MMP17: variants seen among roughly 807,000 people sequenced by gnomAD.
The protein encoded by MMP17 is matrix metalloproteinase-17.
MMP17 carries 54 observed loss-of-function variants against 49.1 expected under a neutral mutation model. The ratio of observed to expected loss-of-function variants is 1.10; its 90% CI spans 0.88 to 1.38. MMP17 has a LOEUF of 1.38. MMP17 is among the 40% of genes most tolerant of loss of function. The pLI, the probability that MMP17 is intolerant of heterozygous loss-of-function variation, is 0.00. For synonymous variants in MMP17, 397 were observed against 383.1 expected (o/e 1.04, Z -0.42); for missense variants, 837 against 853.7 (o/e 0.98, Z 0.24).
At chr12:131,834,909 G>A (rs1887002753) in intron 1 of MMP17, among the ~76,000 whole-genome samples, 1 of 152,122 alleles carries the variant, frequency 6.6e-6, no homozygotes, top group Non-Finnish European at 1.5e-5. Context: ...CCACAGCCGC[G>A]CCTCCACCCA....
At position 131,840,807 on chromosome 12, in the gene MMP17, C is replaced by T. The variant is rs201315531; in HGVS notation, c.657C>T (p.Ala219=). The T allele has an allele frequency of 1.4e-4, 230 of 1,606,996 alleles. 1 individual carries two copies. In the East Asian group the frequency reaches 4.8e-3, roughly 33 times the overall value. The stretch of plus-strand genomic sequence containing the variant: ...TCTTCCCCGGCCACCACCACACCGC[C>T]GGGGACACCCACTTTGACGATGACG... ...HAFFPGHHHT[A]GDTHFDDDEA... Residue 219 remains alanine, a synonymous_variant, in exon 4 of 10, where the codon GCC becomes GCT. Coordinates refer to ENST00000360564, the MANE Select transcript of MMP17 (RefSeq NM_016155.7).
intron 1 of MMP17, among the ~76,000 whole-genome samples, chr12:131,834,023 G>C (rs371522432): frequency 6.6e-6 from 1 of 152,246 alleles, no homozygotes; most frequent in South Asian, 2.1e-4. Flanking sequence ...ATGGCTGAAC[G>C]GTGAATCCAG....
intron 3 of MMP17, chr12:131,840,315 CG>C (rs1376170934): frequency 1.3e-5 from 6 of 470,210 alleles, no homozygotes; most frequent in Admixed American, 1.1e-4. Flanking sequence ...TGGCTCCACG[CG>C]GGAGCTGACG....
chr12:131,838,681 C>G lies in MMP17; in HGVS notation c.362C>G (p.Ala121Gly), dbSNP rs755928284. The G allele has an allele frequency of 6.2e-7, 1 of 1,609,234 alleles. No homozygotes were observed. The highest frequency in any genetic ancestry group is 8.5e-7 in the Non-Finnish European group (1 of 1,178,818). Residue 121 changes from alanine (A) to glycine (G), a missense_variant, in exon 3 of 10, where the codon GCT (alanine) becomes GGT (glycine). Physicochemically the swap from Ala to Gly is moderately conservative, Grantham distance 60. Transcript: ENST00000360564. ...SLPDLPVLTQ[A>G]RRRRQAPAPT... ...CCAGACCTCCCTGTCCTGACCCAGG[C>G]TCGCAGGAGACGCCAGGCTCCAGCC...
Position 131,838,665 on chromosome 12 carries a change from C to T in MMP17, c.346C>T (p.Pro116Ser), listed in dbSNP as rs267603382. ...KTPRCSLPDL[P>S]VLTQARRRRQ... ...CCCACGCTGCTCCCTGCCAGACCTC[C>T]CTGTCCTGACCCAGGCTCGCAGGAG... The change falls in exon 3 of 10, where the codon CCT (proline) becomes TCT (serine). Residue 116 changes from proline to serine, a missense_variant. Coordinates refer to ENST00000360564, the MANE Select transcript of MMP17 (RefSeq NM_016155.7). 6 of 1,611,084 alleles carry T rather than the reference C, an allele frequency of 3.7e-6. No homozygotes were observed. Among genetic ancestry groups the T allele is most frequent in the Non-Finnish European group, 5.1e-6 (6 of 1,179,662 alleles).
intron 4 of MMP17, 78 bp downstream of exon 4, chr12:131,840,934 C>T (rs988263823): frequency 5.5e-6 from 8 of 1,445,208 alleles, no homozygotes; most frequent in South Asian, 2.8e-5. Context: ...ATGGCCCCCC[C>T]ATCCCCAACC....
Position 131,838,597 on chromosome 12 carries a change from A to G in MMP17, c.293-15A>G, listed in dbSNP as rs749351624. The G allele has an allele frequency of 5.0e-6, 8 of 1,606,620 alleles. No individual in the cohort carries two copies. In the South Asian group the frequency reaches 8.8e-5, roughly 18 times the overall value. On this transcript the variant is annotated splice_polypyrimidine_tract_variant and intron_variant, in intron 2 of 9. Coordinates refer to ENST00000360564, the MANE Select transcript of MMP17 (RefSeq NM_016155.7). Reference sequence around the variant, plus strand: ...TGAGCTGGGCTAGGCTCTGAGCTCCATGCTTTCCCTGCAGACGAGGCCACC... The same window carrying G: ...TGAGCTGGGCTAGGCTCTGAGCTCCGTGCTTTCCCTGCAGACGAGGCCACC...
rs749875336 is a variant in MMP17, at chr12:131,845,186, C to G, written c.1037C>G (p.Ala346Gly). 1 of 1,614,084 alleles carries G rather than the reference C, an allele frequency of 6.2e-7. No individual in the cohort carries two copies. Among genetic ancestry groups the G allele is most frequent in the Non-Finnish European group, 8.5e-7 (1 of 1,179,954 alleles). The change falls in exon 7 of 10, where the codon GCT becomes GGT. Residue 346 changes from alanine (A) to glycine (G), a missense_variant. Ala to Gly is a moderately conservative substitution (Grantham distance 60, BLOSUM62 0). Transcript: ENST00000360564. ...GCGGTGGCCCAGATCCGGGGTGAAG[C>G]TTTCTTCTTCAAAGGTACCTCCAGG... ...FDAVAQIRGE[A>G]FFFKGKYFWR...
chr12:131,848,270 A>G (rs1444061750), intron 8 of MMP17, among the ~76,000 whole-genome samples: 3 of 152,000 alleles, frequency 2.0e-5, no homozygotes, highest in Admixed American at 6.6e-5. Flanking sequence ...TATTTTTGGT[A>G]GAGACAGGGT....
At chr12:131,831,321 CAGCTCCCTTGATCTTCTGTAGG>C (rs927610894) in intron 1 of MMP17, among the ~76,000 whole-genome samples, 4 of 152,284 alleles carry the variant, frequency 2.6e-5, no homozygotes, top group African/African-American at 9.6e-5. Flanking sequence ...GGCACAGTGG[CAGCTCCCTTGATCTTCTGTAGG>C]AGGTGGGGTG....
chr12:131,832,363 G>T (rs1375787600), intron 1 of MMP17, among the ~76,000 whole-genome samples: 1 of 121,624 alleles, frequency 8.2e-6, no homozygotes, highest in Non-Finnish European at 1.7e-5. Flanking sequence ...GAAGGGGGAA[G>T]GCTGGAGAGG....
intron 1 of MMP17, among the ~76,000 whole-genome samples, chr12:131,831,828 TG>T (rs59677533): frequency 7.5e-3 from 154 of 20,554 alleles, no homozygotes; most frequent in East Asian, 0.031. Context: ...GGAGAGGATC[TG>T]GGGGGGGACG....
At chr12:131,845,252 G>A in intron 7 of MMP17, 45 bp from the exon 8 acceptor site, 4 of 1,613,804 alleles carry the variant, frequency 2.5e-6, no homozygotes, top group Non-Finnish European at 3.4e-6. Flanking sequence ...CCCACTCTGG[G>A]TGCAGACCGT....
At chr12:131,831,715 G>A (rs1321316804) in intron 1 of MMP17, among the ~76,000 whole-genome samples, 4 of 147,290 alleles carry the variant, frequency 2.7e-5, no homozygotes, top group South Asian at 2.3e-4. Flanking sequence ...ACTAAGTGCC[G>A]GGCCTCAGTC....
At position 131,838,577 on chromosome 12, in the gene MMP17, T is replaced by C. The variant is rs200638152; in HGVS notation, c.293-35T>C. ...CGGGATCCTAGGGTGGGGAGTGAGC[T>C]GGGCTAGGCTCTGAGCTCCATGCTT... is the stretch of plus-strand genomic sequence containing the variant. On this transcript the variant is annotated intron_variant, in intron 2 of 9. Coordinates refer to ENST00000360564, the MANE Select transcript of MMP17 (RefSeq NM_016155.7). The C allele has an allele frequency of 3.6e-5, 58 of 1,589,372 alleles. No individual in the cohort carries two copies. The African/African-American group carries it at 7.4e-4, about 20-fold the overall frequency.
At chr12:131,840,463 G>C in intron 3 of MMP17, 110 bp from the exon 4 acceptor site, 1 of 1,171,384 alleles carries the variant, frequency 8.5e-7, no homozygotes, top group Non-Finnish European at 1.2e-6. Context: ...GAAGATGGGG[G>C]AGACCCTCAT....
At chr12:131,838,087 G>C (rs1887173866) in intron 1 of MMP17, 108 bp from the exon 2 acceptor site, 2 of 1,379,388 alleles carry the variant, frequency 1.4e-6, no homozygotes, top group Admixed American at 4.6e-5. Flanking sequence ...GGGCAGATAG[G>C]GGGCTGGGAG....
chr12:131,845,114 G>C lies in MMP17; in HGVS notation c.969-4G>C. The C allele has an allele frequency of 6.3e-7, 1 of 1,598,988 alleles. No homozygotes were observed. Among genetic ancestry groups the C allele is most frequent in the African/African-American group, 1.4e-5 (1 of 70,172 alleles). ...TCCCAGCCCACCTGGCTCTCTCCCT[G>C]CAGGCCCAGGAAGGACGTGCCCCAC... On this transcript the variant is annotated splice_region_variant and splice_polypyrimidine_tract_variant and intron_variant, in intron 6 of 9. Coordinates refer to ENST00000360564, the MANE Select transcript of MMP17 (RefSeq NM_016155.7).
At chr12:131,833,287 T>C (rs1201375704) in intron 1 of MMP17, among the ~76,000 whole-genome samples, 1 of 152,182 alleles carries the variant, frequency 6.6e-6, no homozygotes, top group Non-Finnish European at 1.5e-5. Context: ...GCTGTTAGGA[T>C]CGAATAGAGC....
Sources: allele counts gnomAD v4.1 joint callset (sites outside exome capture counted in the v4.1 genomes callset), GRCh38; gene constraint gnomAD v4.1.1; transcripts MANE v1.5; gene names NCBI Gene and HGNC (gene_info 2026-07-23, HGNC 2026-07-21).